CDH18: variants seen among roughly 807,000 people sequenced by gnomAD.
CDH18 encodes the protein cadherin 18.
CDH18 carries 31 observed loss-of-function variants against 67.9 expected under a neutral mutation model. That is an observed-to-expected ratio of 0.46 (90% CI 0.34 to 0.62). The LOEUF is 0.62. Among genes scored for constraint, CDH18 ranks in the 20% least tolerant of loss-of-function variants. The pLI is 0.01. For missense variants in CDH18, 890 were observed against 975.5 expected (o/e 0.91, Z 1.17); for synonymous variants, 362 against 347.2 (o/e 1.04, Z -0.48).
At chr5:20,441,273 T>C (rs1749586566) in intron 1 of CDH18, among the ~76,000 whole-genome samples, 1 of 151,936 alleles carries the variant, frequency 6.6e-6, no homozygotes, top group Non-Finnish European at 1.5e-5. Flanking sequence ...AAAATAAATA[T>C]GAAAATGGAG....
chr5:20,018,683 A>T (rs1216983417), intron 2 of CDH18, among the ~76,000 whole-genome samples: 2 of 152,240 alleles, frequency 1.3e-5, no homozygotes, highest in Non-Finnish European at 2.9e-5. Context: ...GAGAAGAATC[A>T]GGATTTTGTT....
intron 11 of CDH18, among the ~76,000 whole-genome samples, chr5:19,492,389 A>C (rs965946463): frequency 2.0e-5 from 3 of 152,172 alleles, no homozygotes; most frequent in Admixed American, 2.0e-4. Flanking sequence ...TGGTTATTAT[A>C]TTCCTGGAAG....
At chr5:20,148,941 C>A (rs1438871733) in intron 2 of CDH18, among the ~76,000 whole-genome samples, 1 of 152,148 alleles carries the variant, frequency 6.6e-6, no homozygotes, top group East Asian at 1.9e-4. Flanking sequence ...GACTTTCACT[C>A]ATATTCCATA....
chr5:19,600,524 T>A (rs1029935515), intron 6 of CDH18, among the ~76,000 whole-genome samples: 21 of 149,998 alleles, frequency 1.4e-4, no homozygotes, highest in African/African-American at 5.2e-4. Flanking sequence ...AATTATTTTT[T>A]CATACTAGAT....
chr5:19,949,056 G>C (rs11948031), intron 2 of CDH18, among the ~76,000 whole-genome samples: 2 of 151,964 alleles, frequency 1.3e-5, no homozygotes, highest in Non-Finnish European at 2.9e-5. Flanking sequence ...AGACAGTAAC[G>C]AATAAAAGTA....
chr5:20,557,977 TGTTATAGTTATATAACATTA>T lies in CDH18; in HGVS notation c.-580+17465_-580+17484del, dbSNP rs1192978548. 1.4e-4 allele frequency among the ~76,000 whole-genome samples: 16 copies of T among 114,280 alleles called. 1 individual carries two copies. The highest frequency in any genetic ancestry group is 1.9e-4 in the Non-Finnish European group (10 of 52,978). 75.0% of individuals were successfully genotyped at this position (114,280 alleles called of 152,430 possible). ...AATGTTATAGTTATATAACATTAAATGTTATAGTTATATAACATTAAATGTTATAGTTATATAACATTAAA... is the reference window on the plus strand; with the variant it reads ...AATGTTATAGTTATATAACATTAAATAATGTTATAGTTATATAACATTAAA... On this transcript the variant is annotated intron_variant, in intron 1 of 14. Coordinates refer to the CDH18 transcript ENST00000507958.
intron 5 of CDH18, among the ~76,000 whole-genome samples, chr5:19,720,721 AAAAT>A: frequency 1.3e-5 from 2 of 152,298 alleles, no homozygotes; most frequent in East Asian, 3.9e-4. Flanking sequence ...TGGCCAGTAA[AAAAT>A]AAAAGGAGAG....
intron 2 of CDH18, among the ~76,000 whole-genome samples, chr5:20,181,982 C>T (rs1383123781): frequency 6.6e-6 from 1 of 151,990 alleles, no homozygotes; most frequent in Admixed American, 6.6e-5. Context: ...CTAAGTATGG[C>T]AACATAAATT....
intron 3 of CDH18, among the ~76,000 whole-genome samples, chr5:19,801,870 T>A (rs943079994): frequency 1.3e-5 from 2 of 152,172 alleles, no homozygotes; most frequent in African/African-American, 4.8e-5. Flanking sequence ...AAATATTTAC[T>A]TACTTAATGT....
chr5:19,471,857 T>C lies in CDH18; in HGVS notation c.*1369A>G, dbSNP rs1554019787. 6.6e-6 allele frequency among the ~76,000 whole-genome samples: 1 copy of C among 152,166 alleles called. No homozygotes were observed. Among genetic ancestry groups the C allele is most frequent in the Non-Finnish European group, 1.5e-5 (1 of 68,026 alleles). On this transcript the variant is annotated 3_prime_UTR_variant, in exon 13 of 13. Transcript: ENST00000382275. ...ATATATATTTATAAGCTAATGAAAC[T>C]AGAAAATTAGATAAGCGTCTGCAAG...
At chr5:20,194,216 C>A (rs760233057) in intron 2 of CDH18, among the ~76,000 whole-genome samples, 2 of 152,062 alleles carry the variant, frequency 1.3e-5, no homozygotes, top group African/African-American at 4.8e-5. Flanking sequence ...ATTTAGAAAA[C>A]CCCATCATCT....
intron 3 of CDH18, among the ~76,000 whole-genome samples, chr5:19,832,430 G>A (rs1480391527): frequency 6.6e-6 from 1 of 151,878 alleles, no homozygotes; most frequent in Non-Finnish European, 1.5e-5. Context: ...ATTATTTTAG[G>A]TCTGTTGACA....
At chr5:19,746,889 T>C (rs1488025961) in intron 4 of CDH18, 53 bp downstream of exon 4, 9 of 1,484,958 alleles carry the variant, frequency 6.1e-6, no homozygotes, top group Non-Finnish European at 7.4e-6. Flanking sequence ...AAAGATGACT[T>C]TTTGATTTTC....
intron 1 of CDH18, among the ~76,000 whole-genome samples, chr5:20,561,070 T>C (rs143860342): frequency 1.2e-3 from 189 of 152,216 alleles, no homozygotes; most frequent in African/African-American, 4.2e-3. Context: ...GCTATACATG[T>C]GCTAGAATGG....
intron 10 of CDH18, among the ~76,000 whole-genome samples, chr5:19,520,030 T>A (rs1746637793): frequency 6.6e-6 from 1 of 152,192 alleles, no homozygotes; most frequent in Non-Finnish European, 1.5e-5. Flanking sequence ...TTGTATAATT[T>A]CTTATACAGC....
chr5:19,825,833 C>G lies in CDH18; in HGVS notation c.228+12926G>C, dbSNP rs1017348126. 2.0e-5 allele frequency among the ~76,000 whole-genome samples: 3 copies of G among 152,284 alleles called. No homozygotes were observed. The South Asian group carries it at 6.2e-4, about 32-fold the overall frequency. On this transcript the variant is annotated intron_variant, in intron 3 of 12. Transcript: ENST00000382275. ...GCAACTCAAAAAGCCAGAGTGTCTT[C>G]TTGCTTCAAATGACCATGGTTGCTT...
intron 2 of CDH18, among the ~76,000 whole-genome samples, chr5:20,174,605 A>C (rs561259732): frequency 6.6e-6 from 1 of 152,198 alleles, no homozygotes; most frequent in African/African-American, 2.4e-5. Flanking sequence ...CCTTGAGAAA[A>C]ATAATAAGCT....
chr5:20,306,826 ATAATT>A (rs1489428799), intron 1 of CDH18, among the ~76,000 whole-genome samples: 2 of 151,724 alleles, frequency 1.3e-5, no homozygotes, highest in South Asian at 4.2e-4. Context: ...TTATTATGGA[ATAATT>A]TATTGATTTA....
chr5:20,545,347 T>C (rs10054508), intron 1 of CDH18, among the ~76,000 whole-genome samples: 67,320 of 152,094 alleles, frequency 0.44, 15,340 homozygotes, highest in East Asian at 0.57. Context: ...CAGTGGGCAC[T>C]CTGTGTGGGT....
Sources: allele counts gnomAD v4.1 joint callset (sites outside exome capture counted in the v4.1 genomes callset), GRCh38; gene constraint gnomAD v4.1.1; transcripts MANE v1.5; gene names NCBI Gene and HGNC (gene_info 2026-07-23, HGNC 2026-07-21).